The following SPTLC3 variants were observed in gnomAD, a reference collection of about 807,000 sequenced individuals.
SPTLC3 encodes the protein serine palmitoyltransferase long chain base subunit 3.
Under a neutral mutation model 59.3 loss-of-function variants are expected in SPTLC3, and 36 were observed. The observed-to-expected ratio is 0.61, with a 90% CI of 0.47 to 0.80. The LOEUF (loss-of-function observed/expected upper bound fraction) is 0.80. SPTLC3 is among the 30% of genes least tolerant of loss of function. SPTLC3 has a pLI of 0.00. For synonymous variants in SPTLC3, 257 were observed against 240.8 expected (o/e 1.07, Z -0.62); for missense variants, 625 against 685.1 (o/e 0.91, Z 0.98).
intron 7 of SPTLC3, among the ~76,000 whole-genome samples, chr20:13,111,089 C>T (rs1325696161): frequency 6.6e-6 from 1 of 152,018 alleles, no homozygotes; most frequent in East Asian, 1.9e-4. Flanking sequence ...GTGAATTCTC[C>T]CAACTCTAAA....
chr20:13,065,589 T>G (rs1326897594), intron 2 of SPTLC3, among the ~76,000 whole-genome samples: 1 of 152,050 alleles, frequency 6.6e-6, no homozygotes, highest in Non-Finnish European at 1.5e-5. Context: ...TGGTCAAACA[T>G]TGGCAATTCC....
At chr20:13,103,141 T>C (rs1387330384) in intron 6 of SPTLC3, among the ~76,000 whole-genome samples, 1 of 152,170 alleles carries the variant, frequency 6.6e-6, no homozygotes, top group Non-Finnish European at 1.5e-5. Context: ...AGGCACCAGA[T>C]TTTCAGTCAA....
rs556040364 is a variant in SPTLC3 at position 13,160,115 on chromosome 20, C to T, written c.1528C>T (p.Arg510Trp). ...GTTTTGTGTTTCAGCGGCACATACC[C>T]GGGAGATGTTAGACACGGTGAGTAC... ...ARFCVSAAHT[R>W]EMLDTVLEAL... The change falls in exon 11 of 12, where the codon CGG (arginine) becomes TGG (tryptophan). Residue 510 changes from arginine (R) to tryptophan (W), a missense_variant. Physicochemically the swap from Arg to Trp is moderately radical, Grantham distance 101 (BLOSUM62 -3). Coordinates refer to ENST00000399002, the MANE Select transcript of SPTLC3 (RefSeq NM_018327.4). 22 of 1,613,854 alleles carry T rather than the reference C, an allele frequency of 1.4e-5. No individual in the cohort carries two copies. The highest frequency in any genetic ancestry group is 3.3e-5 in the Admixed American group (2 of 60,004).
chr20:13,060,173 C>T (rs949251597), intron 2 of SPTLC3, among the ~76,000 whole-genome samples: 7 of 152,314 alleles, frequency 4.6e-5, no homozygotes, highest in East Asian at 1.9e-4. Context: ...CCTAGAGCCT[C>T]AGAGTAGCCC....
chr20:13,045,832 G>A (rs1451438187), intron 1 of SPTLC3, among the ~76,000 whole-genome samples: 4 of 152,016 alleles, frequency 2.6e-5, no homozygotes, highest in Non-Finnish European at 2.9e-5. Context: ...CATCTGTGAT[G>A]TACAGTGCAG....
chr20:13,104,759 G>A (rs1323990738), intron 6 of SPTLC3, among the ~76,000 whole-genome samples: 1 of 152,174 alleles, frequency 6.6e-6, no homozygotes, highest in African/African-American at 2.4e-5. Context: ...AGCACCGTGT[G>A]TGTGTGCCTA....
At chr20:13,115,769 A>C (rs1021405718) in intron 7 of SPTLC3, among the ~76,000 whole-genome samples, 2 of 152,122 alleles carry the variant, frequency 1.3e-5, no homozygotes, top group African/African-American at 4.8e-5. Context: ...ACGATTCACT[A>C]AATGCCCATC....
intron 6 of SPTLC3, among the ~76,000 whole-genome samples, chr20:13,105,529 T>A (rs185774019): frequency 2.0e-4 from 31 of 152,350 alleles, no homozygotes; most frequent in South Asian, 1.5e-3. Flanking sequence ...TCTTTAGGAC[T>A]CGTGGTGTTC....
At chr20:13,110,374 C>T (rs924218127) in intron 7 of SPTLC3, among the ~76,000 whole-genome samples, 157 bp downstream of exon 7, 12 of 152,098 alleles carry the variant, frequency 7.9e-5, no homozygotes, top group South Asian at 2.1e-4. Context: ...AGCTGTCAGA[C>T]GTGGGTTATC....
At chr20:13,095,522 G>A (rs1358858690) in intron 6 of SPTLC3, among the ~76,000 whole-genome samples, 1 of 152,066 alleles carries the variant, frequency 6.6e-6, no homozygotes, top group Non-Finnish European at 1.5e-5. Flanking sequence ...ATATATAAAT[G>A]ACCAACTGGG....
intron 2 of SPTLC3, among the ~76,000 whole-genome samples, chr20:13,051,218 C>G (rs1447698235): frequency 7.0e-4 from 1 of 1,420 alleles, no homozygotes. Context: ...CATAAGGACT[C>G]ACATAAACTT....
chr20:13,014,789 TA>T (rs59783373), intron 1 of SPTLC3, among the ~76,000 whole-genome samples: 2,467 of 141,268 alleles, frequency 0.017, 47 homozygotes, highest in African/African-American at 0.053. Flanking sequence ...TGTCTAAATT[TA>T]AAAAAAAAAA....
intron 8 of SPTLC3, among the ~76,000 whole-genome samples, chr20:13,118,949 C>T (rs537074611): frequency 4.6e-5 from 7 of 152,324 alleles, no homozygotes; most frequent in East Asian, 1.9e-4. Flanking sequence ...TGCTTTCTTT[C>T]GGGCTCAAAG....
intron 3 of SPTLC3, 114 bp downstream of exon 3, chr20:13,072,524 T>C (rs994325318): frequency 1.2e-5 from 15 of 1,208,692 alleles, no homozygotes; most frequent in Non-Finnish European, 1.3e-5. Context: ...ATTGGTTTTG[T>C]ATCATTTATG....
chr20:13,080,393 T>G (rs1988797669), intron 4 of SPTLC3, among the ~76,000 whole-genome samples: 1 of 151,142 alleles, frequency 6.6e-6, no homozygotes, highest in South Asian at 2.1e-4. Context: ...CTGTACTCCC[T>G]GCTACTTGGG....
intron 8 of SPTLC3, among the ~76,000 whole-genome samples, chr20:13,123,292 C>T (rs1346809647): frequency 7.9e-5 from 12 of 151,608 alleles, no homozygotes; most frequent in East Asian, 5.8e-4. Flanking sequence ...GGTCATGCCA[C>T]TGCACTCCAG....
At chr20:13,104,810 T>G (rs1989786510) in intron 6 of SPTLC3, among the ~76,000 whole-genome samples, 1 of 152,204 alleles carries the variant, frequency 6.6e-6, no homozygotes, top group Non-Finnish European at 1.5e-5. Context: ...TTTCCGTATC[T>G]CAGAATTTTC....
At chr20:13,096,666 A>C (rs1282612417) in intron 6 of SPTLC3, among the ~76,000 whole-genome samples, 1 of 152,196 alleles carries the variant, frequency 6.6e-6, no homozygotes, top group Non-Finnish European at 1.5e-5. Context: ...GAGAAGAGGC[A>C]TAAAAGAACT....
At chr20:13,071,883 GAT>G (rs552168124) in intron 2 of SPTLC3, among the ~76,000 whole-genome samples, 2 of 152,170 alleles carry the variant, frequency 1.3e-5, no homozygotes, top group Non-Finnish European at 2.9e-5. Context: ...CACGGTGAGT[GAT>G]ATATTCATGT....
Sources: allele counts gnomAD v4.1 joint callset (sites outside exome capture counted in the v4.1 genomes callset), GRCh38; gene constraint gnomAD v4.1.1; transcripts MANE v1.5; gene names NCBI Gene and HGNC (gene_info 2026-07-23, HGNC 2026-07-21).